ACADS: variants seen among roughly 807,000 people sequenced by gnomAD.
The protein encoded by ACADS is acyl-CoA dehydrogenase short chain, also known as short-chain specific acyl-CoA dehydrogenase, mitochondrial.
Under a neutral mutation model 46.8 loss-of-function variants are expected in ACADS, and 28 were observed. The observed-to-expected ratio is 0.60, with a 90% confidence interval of 0.44 to 0.82. The LOEUF is 0.82. Ranked by LOEUF, ACADS falls within the 40% of genes least tolerant of loss-of-function variation. The pLI is 0.00. For synonymous variants in ACADS, 236 were observed against 237.7 expected (o/e 0.99, Z 0.07); for missense variants, 528 against 578.0 (o/e 0.91, Z 0.89).
intron 2 of ACADS, 71 bp from the exon 3 acceptor site, chr12:120,736,915 G>T: frequency 2.0e-6 from 3 of 1,507,408 alleles, no homozygotes; most frequent in South Asian, 2.5e-5. Context: ...GGGGCAGGAG[G>T]GTTTGGGCTT....
intron 1 of ACADS, 139 bp from the exon 2 acceptor site, chr12:120,726,887 T>C (rs753245604): frequency 2.6e-5 from 25 of 965,064 alleles, no homozygotes; most frequent in Non-Finnish European, 3.8e-5. Flanking sequence ...CCTGCTCTAG[T>C]TGTGACAACT....
Position 120,739,129 on chromosome 12 carries a change from C to G in ACADS, c.1030-11C>G, listed in dbSNP as rs758484911. The stretch of plus-strand genomic sequence containing the variant: ...CTCAAGGGAAGGCTCTGACTGTACC[C>G]CCATGTTTAGGAGGCAGCCATGGCC... On this transcript the variant is annotated splice_polypyrimidine_tract_variant and intron_variant, in intron 8 of 9. Transcript: ENST00000242592. 1 of 1,613,064 alleles carries G rather than the reference C, an allele frequency of 6.2e-7. No individual in the cohort carries two copies. Among genetic ancestry groups the G allele is most frequent in the Non-Finnish European group, 8.5e-7 (1 of 1,180,010 alleles).
rs1484940821 is a variant in ACADS, at chr12:120,727,015, C to T, written c.47-11C>T. 9 of 1,613,980 alleles carry T rather than the reference C, an allele frequency of 5.6e-6. No individual in the cohort carries two copies. The highest frequency in any genetic ancestry group is 1.7e-5 in the Admixed American group (1 of 60,006). The stretch of plus-strand genomic sequence containing the variant: ...CCTCCTCCTTCCACTCACTTCTGCC[C>T]TTGCCGGCAGCTCTCTGTCCTAGGG... On this transcript the variant is annotated splice_polypyrimidine_tract_variant and intron_variant, in intron 1 of 9. Transcript: ENST00000242592.
At chr12:120,730,958 G>T (rs1883230465) in intron 2 of ACADS, among the ~76,000 whole-genome samples, 1 of 151,960 alleles carries the variant, frequency 6.6e-6, no homozygotes. Flanking sequence ...TTTTGTTTTT[G>T]TTTTTTTGAG....
chr12:120,738,617 G>A lies in ACADS; in HGVS notation c.880G>A (p.Ala294Thr), dbSNP rs770406570. ...QTALDCAVNY[A>T]ENRMAFGAPL... ...CGCCCTCGATTGTGCTGTGAACTACGCTGAGAATCGCATGGCCTTCGGGGC... is the reference window on the plus strand; with the variant it reads ...CGCCCTCGATTGTGCTGTGAACTACACTGAGAATCGCATGGCCTTCGGGGC... Residue 294 changes from alanine (A) to threonine (T), a missense_variant, in exon 7 of 10, where the codon GCT (alanine) becomes ACT (threonine). Coordinates refer to ENST00000242592, the MANE Select transcript of ACADS (RefSeq NM_000017.4). 5 of 1,613,264 alleles carry A rather than the reference G, an allele frequency of 3.1e-6. No individual in the cohort carries two copies. Among genetic ancestry groups the A allele is most frequent in the Admixed American group, 1.7e-5 (1 of 60,032 alleles).
chr12:120,731,270 A>T (rs1883238563), intron 2 of ACADS, among the ~76,000 whole-genome samples: 1 of 151,776 alleles, frequency 6.6e-6, no homozygotes. Context: ...CTCTTTTTAA[A>T]ATTTTTTTAA....
chr12:120,733,498 A>C (rs1883330856), intron 2 of ACADS, among the ~76,000 whole-genome samples: 1 of 150,930 alleles, frequency 6.6e-6, no homozygotes, highest in Non-Finnish European at 1.5e-5. Context: ...AGTGAAAAGC[A>C]CTCTCTCACT....
Position 120,729,941 on chromosome 12 carries a change from C to A in ACADS, c.210+2752C>A, listed in dbSNP as rs10849781. Among the ~76,000 whole-genome samples, 2,858 of 152,292 alleles carry A rather than the reference C, an allele frequency of 0.019. 249 individuals are homozygous for A. The East Asian group carries it at 0.28, about 15-fold the overall frequency. On this transcript the variant is annotated intron_variant, in intron 2 of 9. Coordinates refer to ENST00000242592, the MANE Select transcript of ACADS (RefSeq NM_000017.4). ...AACACCAGAGTGGGAGTGAGTGGAA[C>A]TGCCATGTCTTTCACAGCCACAGGT...
At chr12:120,734,069 TC>T (rs1264653043) in intron 2 of ACADS, among the ~76,000 whole-genome samples, 1 of 152,124 alleles carries the variant, frequency 6.6e-6, no homozygotes, top group Non-Finnish European at 1.5e-5. Flanking sequence ...CCGCCAGAGT[TC>T]CTGCCTCTGC....
rs758484911 is a variant in ACADS at position 120,739,129 on chromosome 12, C to T, written c.1030-11C>T. On this transcript the variant is annotated splice_polypyrimidine_tract_variant and intron_variant, in intron 8 of 9. Coordinates refer to ENST00000242592, the MANE Select transcript of ACADS (RefSeq NM_000017.4). ...CTCAAGGGAAGGCTCTGACTGTACCCCCATGTTTAGGAGGCAGCCATGGCC... is the reference window on the plus strand; with the variant it reads ...CTCAAGGGAAGGCTCTGACTGTACCTCCATGTTTAGGAGGCAGCCATGGCC... The T allele has an allele frequency of 1.9e-6, 3 of 1,612,948 alleles. No individual in the cohort carries two copies. In the East Asian group the frequency reaches 6.7e-5, roughly 36 times the overall value.
At chr12:120,732,621 A>T (rs1883289566) in intron 2 of ACADS, among the ~76,000 whole-genome samples, 2 of 145,512 alleles carry the variant, frequency 1.4e-5, no homozygotes, top group Non-Finnish European at 3.0e-5. Flanking sequence ...CACATCCCAG[A>T]CGGGGCAGTG....
At position 120,737,676 on chromosome 12, in the gene ACADS, C is replaced by G. The variant is rs1883500995; in HGVS notation, c.473-161C>G. 11 of 1,158,232 alleles carry G rather than the reference C, an allele frequency of 9.5e-6. No individual in the cohort carries two copies. The South Asian group carries it at 1.0e-4, about 11-fold the overall frequency. 71.7% of individuals were successfully genotyped at this position (1,158,232 alleles called of 1,614,324 possible). ...AAGACGCCAGCTCCTGCACACCCCCCTCGCCCTCTGGTCCCATCACTGAGA... is the reference window on the plus strand; with the variant it reads ...AAGACGCCAGCTCCTGCACACCCCCGTCGCCCTCTGGTCCCATCACTGAGA... On this transcript the variant is annotated intron_variant, in intron 4 of 9. Coordinates refer to ENST00000242592, the MANE Select transcript of ACADS (RefSeq NM_000017.4).
chr12:120,739,341 G>A lies in ACADS; in HGVS notation c.1132G>A (p.Ala378Thr), dbSNP rs1350780434. The change falls in exon 10 of 10, where the codon GCA becomes ACA. Residue 378 changes from alanine (A) to threonine (T), a missense_variant. By Grantham distance (58) the Ala-to-Thr change is moderately conservative. Transcript: ENST00000242592. ...CATGGGCTACGTGACAGAGATGCCG[G>A]CAGAGCGGCACTACCGCGACGCCCG... ...GGMGYVTEMP[A>T]ERHYRDARIT... The A allele has an allele frequency of 6.2e-7, 1 of 1,613,062 alleles. No homozygotes were observed. Among genetic ancestry groups the A allele is most frequent in the Non-Finnish European group, 8.5e-7 (1 of 1,179,948 alleles).
In ACADS at chr12:120,739,019, TG is replaced by T; in HGVS notation, c.1029+107del. ...TCCTTGGCCCCGTGGGTCAGAGGTG[TG>T]GGCCTGGGGTTTACAGCCCCATGGG... is the stretch of plus-strand genomic sequence containing the variant. On this transcript the variant is annotated intron_variant, in intron 8 of 9. Transcript: ENST00000242592. 3 of 1,590,316 alleles carry T rather than the reference TG, an allele frequency of 1.9e-6. 1 individual carries two copies. The South Asian group carries it at 3.3e-5, about 18-fold the overall frequency.
chr12:120,730,906 T>C (rs1249461391), intron 2 of ACADS, among the ~76,000 whole-genome samples: 1 of 152,200 alleles, frequency 6.6e-6, no homozygotes, highest in Non-Finnish European at 1.5e-5. Flanking sequence ...GTGAGGTTCA[T>C]GCCTAGGCCT....
rs971566729 is a variant in ACADS at position 120,739,914 on chromosome 12, A to C, written c.*466A>C. On this transcript the variant is annotated 3_prime_UTR_variant, in exon 10 of 10. Coordinates refer to ENST00000242592, the MANE Select transcript of ACADS (RefSeq NM_000017.4). ...TGGGGCTGGGCCATGGAGCTGGCCC[A>C]GAGGCCCCTCAGCCCTTTGTAAAGT... The C allele has an allele frequency of 1.6e-5, 3 of 192,148 alleles. No homozygotes were observed. Among genetic ancestry groups the C allele is most frequent in the African/African-American group, 4.7e-5 (2 of 42,432 alleles). 11.9% of individuals were successfully genotyped at this position (192,148 alleles called of 1,614,324 possible). A position where few individuals can be genotyped will look rare whatever the true frequency, so the allele number is the denominator to read the frequency against.
chr12:120,732,800 C>T (rs527721580), intron 2 of ACADS, among the ~76,000 whole-genome samples: 251 of 152,238 alleles, frequency 1.6e-3, no homozygotes, highest in African/African-American at 5.7e-3. Context: ...CAGAGACGCT[C>T]CTCATTTCCC....
At position 120,738,815 on chromosome 12, in the gene ACADS, T is replaced by A. The variant is rs749885391; in HGVS notation, c.934-5T>A. On this transcript the variant is annotated splice_region_variant and splice_polypyrimidine_tract_variant and intron_variant, in intron 7 of 9. Transcript: ENST00000242592. ...GACCTGTGGTGTGGGGTGGGGCTAT[T>A]GCAGTTCAAGTTGGCAGACATGGCC... 8 of 1,613,994 alleles carry A rather than the reference T, an allele frequency of 5.0e-6. No homozygotes were observed. The South Asian group carries it at 7.7e-5, about 16-fold the overall frequency.
At chr12:120,733,651 G>A (rs963245597) in intron 2 of ACADS, among the ~76,000 whole-genome samples, 7 of 151,616 alleles carry the variant, frequency 4.6e-5, no homozygotes, top group African/African-American at 1.2e-4. Context: ...GGTGTGTGGC[G>A]GCCACAGAAC....
Sources: gnomAD v4.1 joint callset for allele counts (sites outside exome capture counted in the v4.1 genomes callset) on GRCh38, gnomAD v4.1.1 for gene constraint, MANE v1.5 for transcripts, NCBI Gene and HGNC (gene_info 2026-07-23, HGNC 2026-07-21) for gene names.